NLRP8: variants seen among roughly 807,000 people sequenced by gnomAD.
NLRP8 encodes the protein NACHT, LRR and PYD domains-containing protein 8.
NLRP8 carries 86 observed loss-of-function variants against 88.7 expected under a neutral mutation model. The observed-to-expected ratio is 0.97, with a 90% CI of 0.81 to 1.16. The LOEUF is 1.16. NLRP8 is among the 50% of genes most tolerant of loss of function. The pLI is 0.00. For synonymous variants in NLRP8, 504 were observed against 494.6 expected, an observed-to-expected ratio of 1.02 and a Z score of -0.25; for missense variants, 1,342 against 1,286.5, an observed-to-expected ratio of 1.04 and a Z score of -0.66.
At chr19:55,956,541 G>A (rs1979366060) in intron 3 of NLRP8, among the ~76,000 whole-genome samples, 1 of 152,042 alleles carries the variant, frequency 6.6e-6, no homozygotes, top group Non-Finnish European at 1.5e-5. Context: ...ATCGCACGCG[G>A]CCAGTACTTC....
At chr19:55,960,945 G>A (rs1426710910) in intron 3 of NLRP8, among the ~76,000 whole-genome samples, 3 of 130,236 alleles carry the variant, frequency 2.3e-5, no homozygotes, top group East Asian at 4.6e-4. Context: ...ACTGTCACCC[G>A]GGCTAGAGTG....
At chr19:55,970,795 C>A in intron 6 of NLRP8, 99 bp downstream of exon 6, 2 of 1,472,346 alleles carry the variant, frequency 1.4e-6, no homozygotes, top group Non-Finnish European at 1.9e-6. Context: ...AGGGAAGGTA[C>A]ATGTATAGGA....
intron 5 of NLRP8, among the ~76,000 whole-genome samples, chr19:55,970,324 T>G (rs557170066): frequency 6.6e-6 from 1 of 152,228 alleles, no homozygotes; most frequent in African/African-American, 2.4e-5. Context: ...CAGTCGTTAT[T>G]GTATTCCAGT....
chr19:55,962,325 T>A (rs916515509), intron 4 of NLRP8, 88 bp downstream of exon 4: 1 of 1,377,852 alleles, frequency 7.3e-7, no homozygotes, highest in Non-Finnish European at 9.9e-7. Context: ...CCACTCACAC[T>A]AGACTTCCGG....
At chr19:55,969,634 G>A (rs546703976) in intron 5 of NLRP8, among the ~76,000 whole-genome samples, 1 of 150,526 alleles carries the variant, frequency 6.6e-6, no homozygotes, top group South Asian at 2.1e-4. Context: ...TAGTGGGATT[G>A]CTGGATCGAA....
In NLRP8 at chr19:55,970,634, A is replaced by G; in HGVS notation, c.2472A>G (p.Arg824=). 1 of 1,614,078 alleles carries G rather than the reference A, an allele frequency of 6.2e-7. No homozygotes were observed. Residue 824 remains arginine, a synonymous_variant, in exon 6 of 10, where the codon AGA becomes AGG. Coordinates refer to ENST00000291971, the MANE Select transcript of NLRP8 (RefSeq NM_176811.2). Reference sequence around the variant, plus strand: ...GGCATCTAAAGACTCTCATACTAAGAAAAAACTCCCTGGAGAACTGTGGGG... The same window carrying G: ...GGCATCTAAAGACTCTCATACTAAGGAAAAACTCCCTGGAGAACTGTGGGG...
intron 7 of NLRP8, 73 bp from the exon 8 acceptor site, chr19:55,976,060 T>G: frequency 1.5e-6 from 2 of 1,350,588 alleles, no homozygotes; most frequent in Non-Finnish European, 2.0e-6. Context: ...CTAAGGGTGT[T>G]TTCGTTGTTG....
chr19:55,981,790 A>G (rs1980582509), intron 9 of NLRP8, among the ~76,000 whole-genome samples: 1 of 152,224 alleles, frequency 6.6e-6, no homozygotes, highest in Non-Finnish European at 1.5e-5. Context: ...TAGTTATGGC[A>G]GCATTTAAAA....
In NLRP8 at chr19:55,979,507, G is replaced by A; in HGVS notation, c.2990G>A (p.Gly997Asp). The A allele has an allele frequency of 6.2e-7, 1 of 1,614,220 alleles. No individual in the cohort carries two copies. Among genetic ancestry groups the A allele is most frequent in the East Asian group, 2.2e-5 (1 of 44,874 alleles). ...AGCAAGAATGCGATTGGAGTCTATG[G>A]TATTCTGACCTTGTGCGAGGCCTTC... The change falls in exon 9 of 10, where the codon GGT becomes GAT. Residue 997 changes from glycine (G) to aspartate (D), a missense_variant. Physicochemically the swap from Gly to Asp is moderately conservative, Grantham distance 94 (BLOSUM62 -1). Transcript: ENST00000291971.
intron 4 of NLRP8, 26 bp from the exon 5 acceptor site, chr19:55,966,187 C>G: frequency 6.2e-7 from 1 of 1,610,140 alleles, no homozygotes; most frequent in Non-Finnish European, 8.5e-7. Flanking sequence ...GGACCCTATT[C>G]CAAGGAGACG....
At chr19:55,986,510 T>A (rs12609232) in intron 9 of NLRP8, among the ~76,000 whole-genome samples, 25,188 of 111,518 alleles carry the variant, frequency 0.23, 2,258 homozygotes, top group East Asian at 0.46. Context: ...ACACACACAC[T>A]AATTGCTTCA....
At chr19:55,980,410 T>G (rs1047593301) in intron 9 of NLRP8, among the ~76,000 whole-genome samples, 8 of 152,196 alleles carry the variant, frequency 5.3e-5, no homozygotes, top group African/African-American at 1.9e-4. Flanking sequence ...CTTAGTAACT[T>G]AAAGCCACAT....
At chr19:55,953,478 ATTTCTTTCTTTCTTTC>A (rs576779130) in intron 2 of NLRP8, among the ~76,000 whole-genome samples, 7 of 147,196 alleles carry the variant, frequency 4.8e-5, no homozygotes, top group African/African-American at 1.8e-4. Flanking sequence ...GTGTGTCTCT[ATTTCTTTCTTTCTTTC>A]TTTCTTTCTT....
chr19:55,963,283 G>A (rs1057128945), intron 4 of NLRP8, among the ~76,000 whole-genome samples: 3 of 152,146 alleles, frequency 2.0e-5, no homozygotes, highest in African/African-American at 7.2e-5. Flanking sequence ...CAAGGTGCTG[G>A]GATTACAGAT....
Position 55,976,171 on chromosome 19 carries a change from A to G in NLRP8, c.2744A>G (p.Asp915Gly). 6.2e-7 allele frequency: 1 copy of G among 1,611,804 alleles called. No individual in the cohort carries two copies. The highest frequency in any genetic ancestry group is 1.1e-5 in the South Asian group (1 of 90,524). The change falls in exon 8 of 10, where the codon GAT becomes GGT. Residue 915 changes from aspartate to glycine, a missense_variant. Transcript: ENST00000291971. ...GACTTGACCTTTAATTGCTGTCAGG[A>G]TATGATCTCTGCGCTCTGTAAAAAT...
chr19:55,970,414 C>A, intron 5 of NLRP8, 130 bp from the exon 6 acceptor site: 1 of 1,091,482 alleles, frequency 9.2e-7, no homozygotes, highest in Non-Finnish European at 1.3e-6. Flanking sequence ...GTGTGCTGGC[C>A]GGAAAGTTGG....
At chr19:55,951,133 G>A (rs1979076671) in intron 1 of NLRP8, among the ~76,000 whole-genome samples, 2 of 152,120 alleles carry the variant, frequency 1.3e-5, no homozygotes, top group South Asian at 4.2e-4. Context: ...TAGTGCTGAT[G>A]TGCCTTTCCA....
chr19:55,957,676 TATATATATATATATATATATA>T lies in NLRP8; in HGVS notation c.2042+1577_2042+1597del, dbSNP rs1416982349. Among the ~76,000 whole-genome samples the T allele has an allele frequency of 1.9e-3, 4 of 2,100 alleles. 1 individual carries two copies. The highest frequency in any genetic ancestry group is 7.6e-3 in the Non-Finnish European group (4 of 526). The allele number at this position is 2,100 out of a possible 152,430, so 1.4% of individuals were successfully genotyped here. On this transcript the variant is annotated intron_variant, in intron 3 of 9. Coordinates refer to ENST00000291971, the MANE Select transcript of NLRP8 (RefSeq NM_176811.2). The stretch of plus-strand genomic sequence containing the variant: ...CTTAAAAAAGAAAAAATAATAATTA[TATATATATATATATATATATA>T]TATATATATATATATATATATATAT...
At chr19:55,959,360 C>T (rs895492942) in intron 3 of NLRP8, among the ~76,000 whole-genome samples, 23 of 151,506 alleles carry the variant, frequency 1.5e-4, no homozygotes, top group African/African-American at 5.3e-4. Context: ...TACAGGCGCC[C>T]GCCACCACGC....
Sources: allele counts gnomAD v4.1 joint callset (sites outside exome capture counted in the v4.1 genomes callset), GRCh38; gene constraint gnomAD v4.1.1; transcripts MANE v1.5; gene names NCBI Gene and HGNC (gene_info 2026-07-23, HGNC 2026-07-21).